The following CHD6 variants were observed in gnomAD, a reference collection of about 807,000 sequenced individuals.
The protein encoded by CHD6 is chromodomain helicase DNA binding protein 6, also known as ATP-dependent chromatin remodeler CHD6.
A neutral mutation model predicts 276.9 loss-of-function variants in CHD6; 50 were observed. The observed-to-expected ratio is 0.18, with a 90% CI of 0.14 to 0.23. The LOEUF (loss-of-function observed/expected upper bound fraction) is 0.23, where lower values mean the gene tolerates loss of function less well. Among genes scored for constraint, CHD6 ranks in the 10% least tolerant of loss-of-function variants. The pLI is 1.00. For missense variants in CHD6, 2,564 were observed against 3,365.8 expected (o/e 0.76, Z 5.89); for synonymous variants, 1,173 against 1,229.3 (o/e 0.95, Z 0.96).
intron 27 of CHD6, among the ~76,000 whole-genome samples, chr20:41,428,668 A>G (rs2047440037): frequency 6.6e-6 from 1 of 152,164 alleles, no homozygotes; most frequent in Non-Finnish European, 1.5e-5. Flanking sequence ...GAATGGCATA[A>G]ACTTCAGGTG....
At chr20:41,435,390 G>T (rs2047673822) in intron 27 of CHD6, among the ~76,000 whole-genome samples, 1 of 152,002 alleles carries the variant, frequency 6.6e-6, no homozygotes, top group African/African-American at 2.4e-5. Context: ...GAACTCAGGA[G>T]TTCAATACTA....
At chr20:41,498,803 ATG>A (rs1270775232) in intron 6 of CHD6, among the ~76,000 whole-genome samples, 2 of 95,984 alleles carry the variant, frequency 2.1e-5, no homozygotes, top group African/African-American at 1.3e-4. Context: ...GTATGTATGT[ATG>A]TATGTATGTG....
At chr20:41,582,900 C>G (rs1184307401) in intron 1 of CHD6, among the ~76,000 whole-genome samples, 1 of 151,992 alleles carries the variant, frequency 6.6e-6, no homozygotes, top group East Asian at 1.9e-4. Context: ...AGTAATCGAA[C>G]TTGAAGATAG....
At chr20:41,498,055 G>GAT in intron 7 of CHD6, 113 bp downstream of exon 7, 2 of 740,928 alleles carry the variant, frequency 2.7e-6, no homozygotes, top group Non-Finnish European at 4.7e-6. Context: ...AAGACCTGTG[G>GAT]GTCATGCCTT....
chr20:41,423,783 G>C (rs1344815328), intron 29 of CHD6, 83 bp from the exon 30 acceptor site: 1 of 1,103,802 alleles, frequency 9.1e-7, no homozygotes, highest in South Asian at 1.4e-5. Context: ...CCTACTATGA[G>C]AGCCCATAAA....
intron 2 of CHD6, among the ~76,000 whole-genome samples, chr20:41,543,563 T>C (rs1183235054): frequency 6.6e-6 from 1 of 152,198 alleles, no homozygotes; most frequent in Admixed American, 6.5e-5. Flanking sequence ...ATGAGAAACA[T>C]ATCAAGAATA....
At chr20:41,453,964 A>T (rs1371667662) in intron 20 of CHD6, among the ~76,000 whole-genome samples, 1 of 152,058 alleles carries the variant, frequency 6.6e-6, no homozygotes, top group Non-Finnish European at 1.5e-5. Flanking sequence ...CTGAGAAGAC[A>T]CTCATCCTGA....
At chr20:41,468,741 G>A (rs1170101995) in intron 17 of CHD6, among the ~76,000 whole-genome samples, 2 of 152,156 alleles carry the variant, frequency 1.3e-5, no homozygotes, top group East Asian at 1.9e-4. Flanking sequence ...TAGGTGGGGC[G>A]TGGTGGCTCA....
At chr20:41,573,908 A>C (rs2045445254) in intron 1 of CHD6, among the ~76,000 whole-genome samples, 1 of 152,186 alleles carries the variant, frequency 6.6e-6, no homozygotes, top group African/African-American at 2.4e-5. Flanking sequence ...CAGCCCCCAG[A>C]TCCAACAAAC....
chr20:41,603,618 C>A (rs2045795642), intron 1 of CHD6, among the ~76,000 whole-genome samples: 1 of 152,176 alleles, frequency 6.6e-6, no homozygotes, highest in Non-Finnish European at 1.5e-5. Context: ...GTAATCCCAG[C>A]ACTTTGGGAG....
chr20:41,466,108 A>C (rs2042913663), intron 17 of CHD6, among the ~76,000 whole-genome samples: 1 of 152,214 alleles, frequency 6.6e-6, no homozygotes. Context: ...AGGCTGAGGC[A>C]GGAGAATTGC....
intron 5 of CHD6, among the ~76,000 whole-genome samples, chr20:41,511,241 T>C (rs1422408622): frequency 2.6e-5 from 4 of 152,332 alleles, no homozygotes; most frequent in South Asian, 2.1e-4. Flanking sequence ...ACGACAGATA[T>C]TTGTGCTGCT....
intron 8 of CHD6, among the ~76,000 whole-genome samples, chr20:41,495,351 C>A (rs1368533115): frequency 1.3e-5 from 2 of 152,054 alleles, no homozygotes; most frequent in Admixed American, 1.3e-4. Flanking sequence ...GTAAAATAAG[C>A]CTGACACACA....
intron 2 of CHD6, among the ~76,000 whole-genome samples, chr20:41,534,232 A>C (rs1429963786): frequency 5.3e-5 from 8 of 152,248 alleles, no homozygotes; most frequent in African/African-American, 1.4e-4. Context: ...AAATAACTTA[A>C]GAAGAGCCTG....
rs2046896439 is a variant in CHD6 at position 41,413,239 on chromosome 20, T to C, written c.7131+85A>G. 5 of 1,085,926 alleles carry C rather than the reference T, an allele frequency of 4.6e-6. No homozygotes were observed. The African/African-American group carries it at 8.0e-5, about 17-fold the overall frequency. 67.3% of individuals were successfully genotyped at this position (1,085,926 alleles called of 1,614,324 possible). A position where few individuals can be genotyped will look rare whatever the true frequency, so the allele number is the denominator to read the frequency against. ...TCCCAAACAGCTCCCAACTTCCTGG[T>C]TGCCCTCAGCATGCTTTCATCAAAA... On this transcript the variant is annotated intron_variant, in intron 35 of 36. Transcript: ENST00000373233.
chr20:41,555,761 T>C (rs2045223789), intron 1 of CHD6, among the ~76,000 whole-genome samples: 2 of 145,984 alleles, frequency 1.4e-5, no homozygotes, highest in South Asian at 4.4e-4. Flanking sequence ...GCTCCTCACT[T>C]TCCAGACTGG....
intron 1 of CHD6, among the ~76,000 whole-genome samples, chr20:41,576,991 C>T (rs1013574079): frequency 1.3e-5 from 2 of 152,134 alleles, no homozygotes; most frequent in African/African-American, 4.8e-5. Context: ...CAACTCCCAT[C>T]TGAACTAACA....
chr20:41,572,676 G>T (rs963048085), intron 1 of CHD6, among the ~76,000 whole-genome samples: 2 of 152,112 alleles, frequency 1.3e-5, no homozygotes, highest in African/African-American at 4.8e-5. Context: ...CTACCCATCA[G>T]GTTTGGTTTC....
chr20:41,570,065 A>G (rs1003320216), intron 1 of CHD6, among the ~76,000 whole-genome samples: 2 of 152,200 alleles, frequency 1.3e-5, no homozygotes, highest in African/African-American at 4.8e-5. Flanking sequence ...GAGTACAACA[A>G]ATTTCCAAAC....
Sources: gnomAD v4.1 joint callset for allele counts (sites outside exome capture counted in the v4.1 genomes callset) on GRCh38, gnomAD v4.1.1 for gene constraint, MANE v1.5 for transcripts, NCBI Gene and HGNC (gene_info 2026-07-23, HGNC 2026-07-21) for gene names.